AK2: variants seen among roughly 807,000 people sequenced by gnomAD.
AK2 encodes adenylate kinase 2, mitochondrial.
In AK2, 15 loss-of-function variants were observed where a neutral mutation model predicts 24.6. The ratio of observed to expected loss-of-function variants is 0.61; its 90% CI spans 0.41 to 0.94. The LOEUF (loss-of-function observed/expected upper bound fraction) is 0.94, where lower values mean the gene tolerates loss of function less well. Among genes scored for constraint, AK2 ranks in the 40% least tolerant of loss-of-function variants. The probability of loss-of-function intolerance (pLI) is 0.00; values close to 1 mark genes in which losing one functional copy is unlikely to be tolerated. For missense variants in AK2, 257 were observed against 304.1 expected, an observed-to-expected ratio of 0.85 and a Z score of 1.15; for synonymous variants, 102 against 114.0, an observed-to-expected ratio of 0.90 and a Z score of 0.67.
chr1:33,011,674 C>T lies in AK2; in HGVS notation c.*1507G>A, dbSNP rs1193146955. On this transcript the variant is annotated 3_prime_UTR_variant, in exon 6 of 6. Coordinates refer to ENST00000672715, the MANE Select transcript of AK2 (RefSeq NM_001625.4). ...TTCTAATGGTTTTTCCAGAGGCTGCCGTTTTTGTGGTCCTTCATAGCAGTC... is the reference window on the plus strand; with the variant it reads ...TTCTAATGGTTTTTCCAGAGGCTGCTGTTTTTGTGGTCCTTCATAGCAGTC... 20 of 1,301,974 alleles carry T rather than the reference C, an allele frequency of 1.5e-5. No homozygotes were observed. Among genetic ancestry groups the T allele is most frequent in the Non-Finnish European group, 1.9e-5 (19 of 999,136 alleles). 80.7% of individuals were successfully genotyped at this position (1,301,974 alleles called of 1,614,324 possible).
intron 2 of AK2, 59 bp from the exon 3 acceptor site, chr1:33,021,762 T>G: frequency 7.5e-7 from 1 of 1,327,562 alleles, no homozygotes; most frequent in Non-Finnish European, 1.1e-6. Context: ...TGACTGACAT[T>G]AGCCCAACTC....
rs749132578 is a variant in AK2, at chr1:33,010,134, A to C, written c.*3047T>G. On this transcript the variant is annotated 3_prime_UTR_variant, in exon 6 of 6. Coordinates refer to ENST00000672715, the MANE Select transcript of AK2 (RefSeq NM_001625.4). Reference sequence around the variant, plus strand: ...CCCTTCACACAGTGCAGATAAAAGAAGGCAAGAGCATAGGATTGTGGCATG... The same window carrying C: ...CCCTTCACACAGTGCAGATAAAAGACGGCAAGAGCATAGGATTGTGGCATG... 2.2e-6 allele frequency: 1 copy of C among 454,332 alleles called. No homozygotes were observed. The highest frequency in any genetic ancestry group is 1.6e-5 in the South Asian group (1 of 64,484). The allele number at this position is 454,332 out of a possible 1,614,324, so 28.1% of individuals were successfully genotyped here. A position where few individuals can be genotyped will look rare whatever the true frequency, so the allele number is the denominator to read the frequency against.
chr1:33,027,058 G>A (rs1252134948), intron 1 of AK2, among the ~76,000 whole-genome samples: 2 of 152,118 alleles, frequency 1.3e-5, no homozygotes, highest in Admixed American at 1.3e-4. Flanking sequence ...CCCAGAAGGT[G>A]GAAGTTGCGG....
In AK2 at chr1:33,013,270, C is replaced by T. The variant is rs143825456; in HGVS notation, c.631G>A (p.Asp211Asn). The T allele has an allele frequency of 3.9e-4, 637 of 1,614,022 alleles. 1 individual carries two copies. Among genetic ancestry groups the T allele is most frequent in the Non-Finnish European group, 4.7e-4 (553 of 1,180,024 alleles). ...ACGACATCGGGGGTCTGGGATGCATCGATGGCGGAGTGGATCCCCCGTTTC... is the reference window on the plus strand; with the variant it reads ...ACGACATCGGGGGTCTGGGATGCATTGATGGCGGAGTGGATCCCCCGTTTC... ...YRKRGIHSAI[D>N]ASQTPDVVFA... is the part of the protein sequence containing the mutation. The change falls in exon 6 of 6, where the codon GAT becomes AAT. Residue 211 changes from aspartate (D) to asparagine (N), a missense_variant. Coordinates refer to ENST00000672715, the MANE Select transcript of AK2 (RefSeq NM_001625.4).
rs1638793726 is a variant in AK2, at chr1:33,011,102, A to G, written c.*2079T>C. On this transcript the variant is annotated 3_prime_UTR_variant, in exon 6 of 6. Transcript: ENST00000672715. ...CCCAAATATTACTTGTACATGTTGT[A>G]TGCACACGTGAATCTATGTGGACGG... The G allele has an allele frequency of 3.5e-6, 5 of 1,432,120 alleles. No individual in the cohort carries two copies. The highest frequency in any genetic ancestry group is 4.6e-6 in the Non-Finnish European group (5 of 1,097,582). 88.7% of individuals were successfully genotyped at this position (1,432,120 alleles called of 1,614,324 possible). A position where few individuals can be genotyped will look rare whatever the true frequency, so the allele number is the denominator to read the frequency against.
At chr1:33,035,775 TC>T (rs1640541158) in intron 1 of AK2, among the ~76,000 whole-genome samples, 1 of 152,146 alleles carries the variant, frequency 6.6e-6, no homozygotes, top group African/African-American at 2.4e-5. Context: ...ACTCCATGGT[TC>T]CTGAGGTCTC....
intron 1 of AK2, among the ~76,000 whole-genome samples, chr1:33,027,847 T>C (rs984124976): frequency 7.2e-5 from 11 of 151,928 alleles, no homozygotes; most frequent in Non-Finnish European, 1.5e-4. Context: ...AGAGCACGCA[T>C]GGGTTTTGAA....
In AK2 at chr1:33,014,579, CTT is replaced by C; in HGVS notation, c.439_440del (p.Lys147GlufsTer19). On this transcript the variant is annotated frameshift_variant, in exon 5 of 6. Transcript: ENST00000672715. LOFTEE classifies it high-confidence loss of function. Reference sequence around the variant, plus strand: ...ACTCCTCGTGGTAGGAACGGCCACTCTTGGGGTGAATCAGCCTGAAAGACAGC... The same window carrying C: ...ACTCCTCGTGGTAGGAACGGCCACTCGGGGTGAATCAGCCTGAAAGACAGC... ...RRITGRLIHP[K>X]SGRSYHEEFN... 1 of 1,611,884 alleles carries C rather than the reference CTT, an allele frequency of 6.2e-7. No homozygotes were observed. Among genetic ancestry groups the C allele is most frequent in the Non-Finnish European group, 8.5e-7 (1 of 1,178,574 alleles).
At chr1:33,034,447 G>GATACACACAC (rs1640444578) in intron 1 of AK2, among the ~76,000 whole-genome samples, 1 of 125,268 alleles carries the variant, frequency 8.0e-6, no homozygotes, top group Admixed American at 8.3e-5. Flanking sequence ...GTGGGTGCTT[G>GATACACACAC]ATACACACAC....
chr1:33,028,882 A>G (rs1418730406), intron 1 of AK2, among the ~76,000 whole-genome samples: 1 of 152,178 alleles, frequency 6.6e-6, no homozygotes, highest in African/African-American at 2.4e-5. Context: ...GCAGCACCTC[A>G]GGTTCTGATG....
chr1:33,014,250 G>T, intron 5 of AK2: 1 of 371,868 alleles, frequency 2.7e-6, no homozygotes, highest in South Asian at 2.1e-5. Context: ...GCCAGAAAAG[G>T]GGCTGCTCTT....
rs1294739871 is a variant in AK2 at position 33,013,210 on chromosome 1, T to C, written c.691A>G (p.Thr231Ala). 6.2e-7 allele frequency: 1 copy of C among 1,614,152 alleles called. No individual in the cohort carries two copies. The highest frequency in any genetic ancestry group is 8.5e-7 in the Non-Finnish European group (1 of 1,179,978). The change falls in exon 6 of 6, where the codon ACA (threonine) becomes GCA (alanine). Residue 231 changes from threonine to alanine, a missense_variant. Thr to Ala is a moderately conservative substitution (Grantham distance 58). Transcript: ENST00000672715. ...ATAAACATAACCAAGTCTTTACATG[T>C]GGCTTTGGAGAAGGCTGCTAGGATG... Reference protein sequence around the residue: ...ASILAAFSKATCKDLVMFI With the variant: ...ASILAAFSKAACKDLVMFI
At chr1:33,013,691 A>C (rs534867225) in intron 5 of AK2, among the ~76,000 whole-genome samples, 1 of 152,338 alleles carries the variant, frequency 6.6e-6, no homozygotes, top group South Asian at 2.1e-4. Flanking sequence ...CTTTGTGCTC[A>C]GGCGATTCAG....
In AK2 at chr1:33,008,291, C is replaced by T. The variant is rs904211333; in HGVS notation, c.*4890G>A. 2 of 453,882 alleles carry T rather than the reference C, an allele frequency of 4.4e-6. No individual in the cohort carries two copies. Among genetic ancestry groups the T allele is most frequent in the Admixed American group, 2.4e-5 (1 of 42,546 alleles). The allele number at this position is 453,882 out of a possible 1,614,324, so 28.1% of individuals were successfully genotyped here. On this transcript the variant is annotated 3_prime_UTR_variant, in exon 6 of 6. Transcript: ENST00000672715. ...TGAGGTGAGATAACTTGTCCAAGGT[C>T]GCATGGTGAAGTCGCTGTTGAAATC...
chr1:33,019,858 T>C (rs1397719861), intron 4 of AK2: 2 of 1,278,344 alleles, frequency 1.6e-6, no homozygotes, highest in Non-Finnish European at 2.0e-6. Flanking sequence ...TAAACAATGG[T>C]TAACCTACTG....
At chr1:33,020,413 T>A (rs530002243) in intron 4 of AK2, among the ~76,000 whole-genome samples, 4 of 152,236 alleles carry the variant, frequency 2.6e-5, no homozygotes, top group African/African-American at 9.6e-5. Context: ...GCACCTAATA[T>A]AGGCAAGGCT....
chr1:33,008,503 T>A lies in AK2; in HGVS notation c.*4678A>T, dbSNP rs1638613036. The A allele has an allele frequency of 2.2e-6, 1 of 453,944 alleles. No homozygotes were observed. The highest frequency in any genetic ancestry group is 4.4e-6 in the Non-Finnish European group (1 of 226,788). 28.1% of individuals were successfully genotyped at this position (453,944 alleles called of 1,614,324 possible). ...AAATCAGTTCCGGCAGCGCTGAGTG[T>A]CCATGGAAAAGAGCTCTTATTCAGA... is the stretch of plus-strand genomic sequence containing the variant. On this transcript the variant is annotated 3_prime_UTR_variant, in exon 6 of 6. Coordinates refer to ENST00000672715, the MANE Select transcript of AK2 (RefSeq NM_001625.4).
intron 4 of AK2, among the ~76,000 whole-genome samples, chr1:33,015,931 T>C (rs1341040595): frequency 6.6e-6 from 1 of 152,204 alleles, no homozygotes; most frequent in Non-Finnish European, 1.5e-5. Context: ...ATTTAGACTA[T>C]TGAAGTAGCA....
At chr1:33,013,991 G>A (rs143273982) in intron 5 of AK2, among the ~76,000 whole-genome samples, 25 of 152,240 alleles carry the variant, frequency 1.6e-4, no homozygotes, top group African/African-American at 6.0e-4. Flanking sequence ...TAGGACAAAG[G>A]TAAACCCAGG....
Sources: allele counts gnomAD v4.1 joint callset (sites outside exome capture counted in the v4.1 genomes callset), GRCh38; gene constraint gnomAD v4.1.1; transcripts MANE v1.5; gene names NCBI Gene and HGNC (gene_info 2026-07-23, HGNC 2026-07-21).